The following RGS20 variants were observed in gnomAD, a reference collection of about 807,000 sequenced individuals.
RGS20 encodes regulator of G protein signaling 20, also known as gz-selective GTPase-activating protein.
A neutral mutation model predicts 33.6 loss-of-function variants in RGS20; 30 were observed. The ratio of observed to expected loss-of-function variants is 0.89; its 90% confidence interval spans 0.67 to 1.21. RGS20 has a LOEUF of 1.21. Ranked by LOEUF, RGS20 falls within the 50% of genes most tolerant of loss-of-function variation. The pLI, the probability that RGS20 is intolerant of heterozygous loss-of-function variation, is 0.00. For synonymous variants in RGS20, 208 were observed against 197.9 expected (o/e 1.05, Z -0.43); for missense variants, 472 against 502.4 (o/e 0.94, Z 0.58).
At chr8:53,917,525 T>C (rs953265623) in intron 2 of RGS20, among the ~76,000 whole-genome samples, 1 of 152,226 alleles carries the variant, frequency 6.6e-6, no homozygotes, top group African/African-American at 2.4e-5. Flanking sequence ...TAAATGTACA[T>C]TGAAACTGGT....
intron 4 of RGS20, among the ~76,000 whole-genome samples, chr8:53,949,354 C>T (rs1002770835): frequency 6.8e-6 from 1 of 147,718 alleles, no homozygotes; most frequent in Non-Finnish European, 1.5e-5. Context: ...TGGATTTAAA[C>T]ATTTGAAAAT....
At chr8:53,869,960 C>T (rs1442935067) in intron 1 of RGS20, among the ~76,000 whole-genome samples, 1 of 151,918 alleles carries the variant, frequency 6.6e-6, no homozygotes, top group Non-Finnish European at 1.5e-5. Context: ...CAGGTGCTGC[C>T]CAAGGAGGGA....
rs550820434 is a variant in RGS20 at position 53,939,263 on chromosome 8, CACTGACT to C, written c.511-312_511-306del. Among the ~76,000 whole-genome samples, 797 of 152,298 alleles carry C rather than the reference CACTGACT, an allele frequency of 5.2e-3. 3 individuals carry two copies. The highest frequency in any genetic ancestry group is 8.6e-3 in the Non-Finnish European group (585 of 68,018). On this transcript the variant is annotated intron_variant, in intron 2 of 5. Transcript: ENST00000297313. ...TGGAGCTGGGAACGGCCCTGCGTAG[CACTGACT>C]GCAGAGTCTTCAGTGCGTGTGTCTC... is the stretch of plus-strand genomic sequence containing the variant.
At chr8:53,926,544 T>C (rs1456322793) in intron 2 of RGS20, among the ~76,000 whole-genome samples, 2 of 152,162 alleles carry the variant, frequency 1.3e-5, no homozygotes, top group African/African-American at 2.4e-5. Context: ...ATCTTCAGGA[T>C]TTGGGAACTA....
chr8:53,944,537 CAAAA>C (rs762040506), intron 3 of RGS20, among the ~76,000 whole-genome samples: 1 of 108,314 alleles, frequency 9.2e-6, no homozygotes. Flanking sequence ...GACCCCGTCT[CAAAA>C]AAAAAAAAAA....
intron 1 of RGS20, among the ~76,000 whole-genome samples, chr8:53,871,616 C>G (rs181574656): frequency 4.3e-5 from 6 of 139,912 alleles, no homozygotes; most frequent in Non-Finnish European, 4.5e-5. Flanking sequence ...GAGTCCATCT[C>G]AAAAAAAAAA....
intron 2 of RGS20, among the ~76,000 whole-genome samples, chr8:53,891,833 CT>C (rs541262434): frequency 5.5e-4 from 78 of 141,486 alleles, no homozygotes; most frequent in Middle Eastern, 7.1e-3. Flanking sequence ...ATTTTTGCAA[CT>C]TTTTTTTTTT....
chr8:53,918,360 C>T (rs1428297622), intron 2 of RGS20, among the ~76,000 whole-genome samples: 1 of 151,304 alleles, frequency 6.6e-6, no homozygotes, highest in East Asian at 1.9e-4. Flanking sequence ...TGCCTTCGTT[C>T]ACTTCACTTC....
At chr8:53,891,099 G>T (rs1162159216) in intron 2 of RGS20, among the ~76,000 whole-genome samples, 1 of 152,120 alleles carries the variant, frequency 6.6e-6, no homozygotes, top group Non-Finnish European at 1.5e-5. Context: ...TACTGAAGGG[G>T]ACTTGTTCTG....
chr8:53,934,012 T>C (rs1814053725), intron 2 of RGS20, among the ~76,000 whole-genome samples: 1 of 152,154 alleles, frequency 6.6e-6, no homozygotes, highest in Admixed American at 6.5e-5. Flanking sequence ...CAAACTATGC[T>C]TCATAAGCAA....
At chr8:53,939,008 C>T (rs138565087) in intron 2 of RGS20, among the ~76,000 whole-genome samples, 20 of 152,284 alleles carry the variant, frequency 1.3e-4, no homozygotes, top group African/African-American at 4.1e-4. Context: ...AATGCTTCCA[C>T]GTCCCAATTT....
intron 1 of RGS20, among the ~76,000 whole-genome samples, chr8:53,873,818 C>T (rs1440346480): frequency 1.3e-5 from 2 of 152,186 alleles, no homozygotes; most frequent in African/African-American, 4.8e-5. Flanking sequence ...GAAGAGATCT[C>T]AAAGGCAGAG....
chr8:53,868,653 A>AATAT lies in RGS20; in HGVS notation c.166-10592_166-10589dup, dbSNP rs56657753. Among the ~76,000 whole-genome samples the AATAT allele has an allele frequency of 8.1e-3, 1,215 of 149,810 alleles. 17 individuals carry two copies. The highest frequency in any genetic ancestry group is 0.029 in the African/African-American group (1,169 of 40,982). On this transcript the variant is annotated intron_variant, in intron 1 of 5. Transcript: ENST00000297313. ...TTCTCTAGGAATAGCTTCACTGGTA[A>AATAT]ATATATATATATATATGTATGTCTA...
At chr8:53,896,675 T>C (rs994881060) in intron 2 of RGS20, among the ~76,000 whole-genome samples, 4 of 152,198 alleles carry the variant, frequency 2.6e-5, no homozygotes, top group African/African-American at 7.2e-5. Flanking sequence ...CAATCTCCTA[T>C]AGGAAATAAA....
Position 53,952,556 on chromosome 8 carries a change from C to T in RGS20, c.744-1520C>T, listed in dbSNP as rs1172204444. ...CCTGGCCAACATGGTGAAACGCCAT[C>T]TCTACTAAAAATACAAAAAATTACC... On this transcript the variant is annotated intron_variant, in intron 4 of 5. Transcript: ENST00000297313. Among the ~76,000 whole-genome samples the T allele has an allele frequency of 3.3e-5, 5 of 151,734 alleles. No homozygotes were observed. In the East Asian group the frequency reaches 9.8e-4, roughly 30 times the overall value.
chr8:53,882,024 G>C (rs140872241), intron 2 of RGS20, among the ~76,000 whole-genome samples: 2 of 152,216 alleles, frequency 1.3e-5, no homozygotes, highest in Non-Finnish European at 2.9e-5. Flanking sequence ...GGACGGGCCA[G>C]GGGCCTCTAG....
intron 2 of RGS20, chr8:53,913,512 C>G (rs1305070506): frequency 6.6e-6 from 1 of 152,150 alleles, no homozygotes; most frequent in East Asian, 1.9e-4. Context: ...TTGCATGCAC[C>G]ACCACATCTG....
chr8:53,950,761 T>G (rs1040536788), intron 4 of RGS20, among the ~76,000 whole-genome samples: 1 of 151,950 alleles, frequency 6.6e-6, no homozygotes, highest in African/African-American at 2.4e-5. Context: ...ACTACAGGCA[T>G]GGGCCACCAC....
chr8:53,858,472 G>A (rs1205773959), intron 1 of RGS20, among the ~76,000 whole-genome samples: 1 of 151,362 alleles, frequency 6.6e-6, no homozygotes, highest in Non-Finnish European at 1.5e-5. Flanking sequence ...TATCAGAAAT[G>A]GATGCATATA....
Sources: gnomAD v4.1 joint callset for allele counts (sites outside exome capture counted in the v4.1 genomes callset) on GRCh38, gnomAD v4.1.1 for gene constraint, MANE v1.5 for transcripts, NCBI Gene and HGNC (gene_info 2026-07-23, HGNC 2026-07-21) for gene names.